BCL2L1: variants seen among roughly 807,000 people sequenced by gnomAD.
BCL2L1 encodes the protein bcl-2-like protein 1.
A neutral mutation model predicts 18.7 loss-of-function variants in BCL2L1; 1 was observed. That is an observed-to-expected ratio of 0.05 (90% CI 0.02 to 0.25). The LOEUF (loss-of-function observed/expected upper bound fraction) is 0.25, where lower values mean the gene tolerates loss of function less well. BCL2L1 is among the 10% of genes least tolerant of loss of function. BCL2L1 has a pLI of 1.00. For missense variants in BCL2L1, 207 were observed against 304.9 expected (o/e 0.68, Z 2.39); for synonymous variants, 103 against 122.7 (o/e 0.84, Z 1.06).
intron 2 of BCL2L1, among the ~76,000 whole-genome samples, chr20:31,666,909 A>G (rs1009005611): frequency 5.3e-5 from 8 of 152,140 alleles, no homozygotes; most frequent in Admixed American, 5.2e-4. Flanking sequence ...CTGTGGGCTA[A>G]ATTACCCAGC....
chr20:31,703,670 T>G (rs1195400889), intron 2 of BCL2L1, among the ~76,000 whole-genome samples: 1 of 151,396 alleles, frequency 6.6e-6, no homozygotes, highest in Admixed American at 6.6e-5. Flanking sequence ...TTTTTTATTT[T>G]CAGTAGAGAT....
At chr20:31,689,298 A>AGGG (rs2061019450) in intron 2 of BCL2L1, among the ~76,000 whole-genome samples, 1 of 14,436 alleles carries the variant, frequency 6.9e-5, no homozygotes, top group Non-Finnish European at 1.6e-4. Context: ...GAGGGAAGGA[A>AGGG]GAAAGACAGC....
At chr20:31,719,474 G>GA (rs2061589549) in intron 2 of BCL2L1, among the ~76,000 whole-genome samples, 1 of 152,090 alleles carries the variant, frequency 6.6e-6, no homozygotes, top group African/African-American at 2.4e-5. Flanking sequence ...AGGCTCAAAG[G>GA]ATCCTGAGTC....
At chr20:31,705,510 T>C (rs2061358097) in intron 2 of BCL2L1, among the ~76,000 whole-genome samples, 1 of 152,152 alleles carries the variant, frequency 6.6e-6, no homozygotes, top group African/African-American at 2.4e-5. Flanking sequence ...ATTAACAAAA[T>C]GATCCCCTTT....
Position 31,721,792 on chromosome 20 carries a change from A to G in BCL2L1, c.427T>C (p.Phe143Leu), listed in dbSNP as rs2122873085. Residue 143 changes from phenylalanine to leucine, a missense_variant, in exon 2 of 3, where the codon TTT becomes CTT. By Grantham distance (22) the Phe-to-Leu change is conservative. Coordinates refer to ENST00000307677, the MANE Select transcript of BCL2L1 (RefSeq NM_138578.3). ...CACAGTGCCCCGCCGAAGGAGAAAAAGGCCACAATGCGACCCCAGTTTACC... is the reference window on the plus strand; with the variant it reads ...CACAGTGCCCCGCCGAAGGAGAAAAGGGCCACAATGCGACCCCAGTTTACC... ...DGVNWGRIVA[F>L]FSFGGALCVE... The G allele has an allele frequency of 1.2e-6, 2 of 1,614,158 alleles. No individual in the cohort carries two copies. The highest frequency in any genetic ancestry group is 1.7e-6 in the Non-Finnish European group (2 of 1,180,022).
chr20:31,722,305 C>T lies in BCL2L1; in HGVS notation c.-87G>A. 9.8e-7 allele frequency: 1 copy of T among 1,024,026 alleles called. No homozygotes were observed. The highest frequency in any genetic ancestry group is 1.3e-6 in the Non-Finnish European group (1 of 750,008). 63.4% of individuals were successfully genotyped at this position (1,024,026 alleles called of 1,614,324 possible). On this transcript the variant is annotated 5_prime_UTR_variant, in exon 2 of 3. Coordinates refer to ENST00000307677, the MANE Select transcript of BCL2L1 (RefSeq NM_138578.3). ...CTCGTCTCTGGTTAGTGATTCTCTT[C>T]TAAGATCCAAAGCCAAGATAAGATT... is the stretch of plus-strand genomic sequence containing the variant.
chr20:31,669,848 T>G (rs558021233), intron 2 of BCL2L1, among the ~76,000 whole-genome samples: 1 of 152,256 alleles, frequency 6.6e-6, no homozygotes, highest in South Asian at 2.1e-4. Context: ...AGTTAACAAA[T>G]GTATTGCATG....
chr20:31,681,018 C>T (rs188609637), intron 2 of BCL2L1, among the ~76,000 whole-genome samples: 6 of 152,304 alleles, frequency 3.9e-5, no homozygotes, highest in South Asian at 4.1e-4. Context: ...GGCAGGAACA[C>T]GCTTGAGGTG....
At chr20:31,669,737 C>G (rs1464237816) in intron 2 of BCL2L1, among the ~76,000 whole-genome samples, 1 of 152,048 alleles carries the variant, frequency 6.6e-6, no homozygotes, top group African/African-American at 2.4e-5. Flanking sequence ...TGCCCTCGGC[C>G]TATACTAGAT....
At chr20:31,685,726 G>A (rs974595219) in intron 2 of BCL2L1, among the ~76,000 whole-genome samples, 2 of 152,040 alleles carry the variant, frequency 1.3e-5, no homozygotes, top group African/African-American at 2.4e-5. Flanking sequence ...TCCTATCTCC[G>A]GGCCCTTTTT....
intron 2 of BCL2L1, among the ~76,000 whole-genome samples, chr20:31,695,762 G>A (rs2061156664): frequency 6.6e-6 from 1 of 152,048 alleles, no homozygotes. Flanking sequence ...TTGTTTTACG[G>A]CTTGCTGTTC....
intron 2 of BCL2L1, among the ~76,000 whole-genome samples, chr20:31,669,547 G>T (rs1195551427): frequency 6.6e-6 from 1 of 151,482 alleles, no homozygotes; most frequent in Non-Finnish European, 1.5e-5. Flanking sequence ...CCGCCTCCCG[G>T]GTTCAAGCCA....
chr20:31,723,284 G>T (rs937031426), upstream of BCL2L1: 17 of 985,628 alleles, frequency 1.7e-5, no homozygotes, highest in Middle Eastern at 5.2e-4. Flanking sequence ...TTCCCCGCCC[G>T]GACACAATGG....
intron 2 of BCL2L1, among the ~76,000 whole-genome samples, chr20:31,689,285 G>GGCGAA (rs1568869521): frequency 1.0e-5 from 1 of 97,234 alleles, no homozygotes; most frequent in Non-Finnish European, 2.1e-5. Context: ...GGGCAGGGGA[G>GGCGAA]GGGAGGGAAG....
At position 31,665,636 on chromosome 20, in the gene BCL2L1, G is replaced by C. The variant is rs2060575163; in HGVS notation, c.*313C>G. On this transcript the variant is annotated 3_prime_UTR_variant, in exon 3 of 3. Coordinates refer to ENST00000307677, the MANE Select transcript of BCL2L1 (RefSeq NM_138578.3). Reference sequence around the variant, plus strand: ...CATTTTCAGGGAGGCTAAGGGGTAAGGGTTGCACCAATCAGGTAGGGCCCT... The same window carrying C: ...CATTTTCAGGGAGGCTAAGGGGTAACGGTTGCACCAATCAGGTAGGGCCCT... 4.9e-6 allele frequency: 2 copies of C among 410,784 alleles called. No homozygotes were observed. The highest frequency in any genetic ancestry group is 4.1e-5 in the African/African-American group (2 of 49,352). The allele number at this position is 410,784 out of a possible 1,614,324, so 25.4% of individuals were successfully genotyped here. A position where few individuals can be genotyped will look rare whatever the true frequency, so the allele number is the denominator to read the frequency against.
intron 2 of BCL2L1, among the ~76,000 whole-genome samples, chr20:31,691,152 C>CAAAAAAAA (rs539012918): frequency 4.0e-5 from 1 of 24,838 alleles, no homozygotes; most frequent in Non-Finnish European, 7.6e-5. Context: ...GACTCTGTCT[C>CAAAAAAAA]AAAAAAAAAA....
chr20:31,678,329 G>C (rs1023578222), intron 2 of BCL2L1, among the ~76,000 whole-genome samples: 3 of 152,160 alleles, frequency 2.0e-5, no homozygotes, highest in Non-Finnish European at 4.4e-5. Flanking sequence ...TGTGGATTTT[G>C]TTTCCCAGTT....
At chr20:31,682,920 T>G (rs2060888520) in intron 2 of BCL2L1, among the ~76,000 whole-genome samples, 1 of 152,176 alleles carries the variant, frequency 6.6e-6, no homozygotes, top group Non-Finnish European at 1.5e-5. Flanking sequence ...TATTCCAAAT[T>G]TATCTAGAGT....
intron 2 of BCL2L1, among the ~76,000 whole-genome samples, chr20:31,675,416 G>A (rs143479690): frequency 1.3e-5 from 2 of 152,296 alleles, no homozygotes; most frequent in African/African-American, 2.4e-5. Flanking sequence ...GGCCTTGCTA[G>A]AAGATCGCTG....
Sources: allele counts gnomAD v4.1 joint callset (sites outside exome capture counted in the v4.1 genomes callset), GRCh38; gene constraint gnomAD v4.1.1; transcripts MANE v1.5; gene names NCBI Gene and HGNC (gene_info 2026-07-23, HGNC 2026-07-21).